The following ZNF318 variants were observed in gnomAD, a reference collection of about 807,000 sequenced individuals.
The protein encoded by ZNF318 is zinc finger protein 318.
ZNF318 carries 51 observed loss-of-function variants against 124.2 expected under a neutral mutation model. The ratio of observed to expected loss-of-function variants is 0.41; its 90% CI spans 0.33 to 0.52. The LOEUF (loss-of-function observed/expected upper bound fraction) is 0.52, where lower values mean the gene tolerates loss of function less well. Ranked by LOEUF, ZNF318 falls within the 20% of genes least tolerant of loss-of-function variation. The probability of loss-of-function intolerance (pLI) is 0.23; values close to 1 mark genes in which losing one functional copy is unlikely to be tolerated. For synonymous variants in ZNF318, 1,090 were observed against 1,040.7 expected, an observed-to-expected ratio of 1.05 and a Z score of -0.91; for missense variants, 2,815 against 2,811.2, an observed-to-expected ratio of 1.00 and a Z score of -0.03.
chr6:43,349,470 C>T (rs931551481), intron 5 of ZNF318, among the ~76,000 whole-genome samples: 6 of 149,590 alleles, frequency 4.0e-5, no homozygotes, highest in African/African-American at 1.5e-4. Flanking sequence ...AAGTGATCTG[C>T]CTGCTTCAGC....
intron 2 of ZNF318, among the ~76,000 whole-genome samples, chr6:43,364,628 T>C (rs1243742783): frequency 1.3e-5 from 2 of 152,216 alleles, no homozygotes; most frequent in African/African-American, 2.4e-5. Flanking sequence ...CATCCATACT[T>C]TGACTTTTGT....
chr6:43,357,586 T>C lies in ZNF318; in HGVS notation c.728A>G (p.His243Arg), dbSNP rs1282661649. ...TTCTGTTCCCCGCAACAGCTCATCA[T>C]GACAACTGATATGGGGACTATAATC... ...RSDYSPHISC[H>R]DELLRGTERN... Residue 243 changes from histidine to arginine, a missense_variant, in exon 3 of 10, where the codon CAT becomes CGT. This residue lies in a region of ZNF318 where 1,377 missense variants were observed against 1,353.5 expected (regional missense o/e 1.02). Transcript: ENST00000361428. 6.2e-7 allele frequency: 1 copy of C among 1,614,178 alleles called. No individual in the cohort carries two copies. Among genetic ancestry groups the C allele is most frequent in the South Asian group, 1.1e-5 (1 of 91,080 alleles).
chr6:43,345,531 G>A (rs955331797), intron 6 of ZNF318, among the ~76,000 whole-genome samples: 3 of 152,164 alleles, frequency 2.0e-5, no homozygotes, highest in Non-Finnish European at 2.9e-5. Context: ...CATTGGGTTC[G>A]TACATGAATA....
chr6:43,368,561 G>T, intron 1 of ZNF318: 2 of 678,642 alleles, frequency 2.9e-6, no homozygotes, highest in Non-Finnish European at 3.6e-6. Context: ...CGGACATTTC[G>T]GCTTTTTCCC....
intron 5 of ZNF318, among the ~76,000 whole-genome samples, chr6:43,349,798 G>C (rs2150752396): frequency 6.6e-6 from 1 of 152,220 alleles, no homozygotes; most frequent in Non-Finnish European, 1.5e-5. Flanking sequence ...CAAATTTAAG[G>C]AAAGACCAGA....
rs1779626359 is a variant in ZNF318 at position 43,357,546 on chromosome 6, T to C, written c.768A>G (p.Lys256=). 4 of 1,613,612 alleles carry C rather than the reference T, an allele frequency of 2.5e-6. No homozygotes were observed. The East Asian group carries it at 8.9e-5, about 36-fold the overall frequency. ...CAGATCGTATGGAGTAGCCTTTGAGTTTTTCTCGATTCCGTTCTGTTCCCC... is the reference window on the plus strand; with the variant it reads ...CAGATCGTATGGAGTAGCCTTTGAGCTTTTCTCGATTCCGTTCTGTTCCCC... ...LLRGTERNRE[K]LKGYSIRSEE... is the part of the protein sequence containing the mutation. The change falls in exon 3 of 10, where the codon AAA becomes AAG. Residue 256 remains lysine, a synonymous_variant. Transcript: ENST00000361428.
intron 2 of ZNF318, among the ~76,000 whole-genome samples, chr6:43,360,481 A>G (rs1779665896): frequency 6.6e-6 from 1 of 152,208 alleles, no homozygotes; most frequent in Non-Finnish European, 1.5e-5. Context: ...ACTGTTTTCT[A>G]AAATAAAGTC....
chr6:43,347,868 A>G (rs1779468299), intron 6 of ZNF318, among the ~76,000 whole-genome samples: 2 of 152,240 alleles, frequency 1.3e-5, no homozygotes, highest in African/African-American at 4.8e-5. Flanking sequence ...ATGTACTACG[A>G]GGAAAAGAAG....
At chr6:43,365,471 A>C in intron 1 of ZNF318, 31 bp from the exon 2 acceptor site, 1 of 1,603,020 alleles carries the variant, frequency 6.2e-7, no homozygotes, top group Non-Finnish European at 8.5e-7. Context: ...ATGGTTAGTC[A>C]ATAGGGTCAA....
Position 43,338,717 on chromosome 6 carries a change from T to G in ZNF318, c.5281A>C (p.Ser1761Arg), listed in dbSNP as rs2150748321. 1 of 1,614,202 alleles carries G rather than the reference T, an allele frequency of 6.2e-7. No individual in the cohort carries two copies. The highest frequency in any genetic ancestry group is 8.5e-7 in the Non-Finnish European group (1 of 1,180,042). ...TCCTCAGATTTACGGAGCTCTTGGC[T>G]TTCCTTATCCTGGTTAACAGATTCT... is the stretch of plus-strand genomic sequence containing the variant. Reference protein sequence around the residue: ...LRESVNQDKESQELRKSEDCR... With the variant: ...LRESVNQDKERQELRKSEDCR... Residue 1761 changes from serine to arginine, a missense_variant, in exon 10 of 10, where the codon AGC (serine) becomes CGC (arginine). Around this residue, in one of 4 missense-constraint regions of ZNF318, gnomAD observed 927 missense variants for 820.6 expected, o/e 1.13. Coordinates refer to ENST00000361428, the MANE Select transcript of ZNF318 (RefSeq NM_014345.3).
chr6:43,352,442 C>T lies in ZNF318; in HGVS notation c.2705G>A (p.Arg902Gln). The T allele has an allele frequency of 3.7e-6, 6 of 1,614,084 alleles. No individual in the cohort carries two copies. The highest frequency in any genetic ancestry group is 5.1e-6 in the Non-Finnish European group (6 of 1,180,000). The change falls in exon 5 of 10, where the codon CGG (arginine) becomes CAG (glutamine). Residue 902 changes from arginine (R) to glutamine (Q), a missense_variant. Transcript: ENST00000361428. Reference protein sequence around the residue: ...IEEREKLKNDREARQKKMYYL... With the variant: ...IEEREKLKNDQEARQKKMYYL... ...GTACATCTTCTTCTGGCGGGCTTCC[C>T]GGTCATTCTTTAGTTTTTCCCTCTC... is the stretch of plus-strand genomic sequence containing the variant.
At position 43,339,779 on chromosome 6, in the gene ZNF318, A is replaced by T. The variant is rs763037166; in HGVS notation, c.4219T>A (p.Ser1407Thr). 1.2e-6 allele frequency: 2 copies of T among 1,613,966 alleles called. No individual in the cohort carries two copies. The highest frequency in any genetic ancestry group is 2.7e-5 in the African/African-American group (2 of 74,878). ...ADLLLPPDII[S>T]KAFGGEEVIL... The stretch of plus-strand genomic sequence containing the variant: ...ACCTCTTCCCCTCCAAATGCTTTGG[A>T]GATGATGTCTGGAGGTAAGAGGAGA... Residue 1407 changes from serine to threonine, a missense_variant, in exon 10 of 10, where the codon TCC (serine) becomes ACC (threonine). Transcript: ENST00000361428. This position sits in a 1 kb window ranked among gnomAD's most constrained non-coding sequence, Gnocchi z 4.2.
In ZNF318 at chr6:43,354,983, G is replaced by C; in HGVS notation, c.2351C>G (p.Pro784Arg). Residue 784 changes from proline to arginine, a missense_variant, in exon 4 of 10, where the codon CCC becomes CGC. Coordinates refer to ENST00000361428, the MANE Select transcript of ZNF318 (RefSeq NM_014345.3). ...CCTATAGGCATCAAAAGAGGCAGGG[G>C]GAATGGCAGGTCCCTGGTAGTTCGG... is the stretch of plus-strand genomic sequence containing the variant. ...IPPNYQGPAI[P>R]PASFDAYRHY... 6.2e-7 allele frequency: 1 copy of C among 1,610,220 alleles called. No individual in the cohort carries two copies. The highest frequency in any genetic ancestry group is 1.1e-5 in the South Asian group (1 of 90,474).
chr6:43,352,249 G>T (rs529276054), intron 5 of ZNF318, 128 bp downstream of exon 5: 1 of 677,126 alleles, frequency 1.5e-6, no homozygotes, highest in Non-Finnish European at 2.5e-6. Context: ...CAACTTTTTT[G>T]TAAGTTTAAT....
rs180816230 is a variant in ZNF318 at position 43,337,560 on chromosome 6, G to A, written c.6438C>T (p.Asp2146=). ...PEEVKESSQL[D]KQESLGLELK... is the part of the protein sequence containing the mutation. ...ATTCCAATCCGAGTGACTCTTGTTT[G>A]TCTAATTGGGAAGATTCTTTTACTT... is the stretch of plus-strand genomic sequence containing the variant. Residue 2146 remains aspartate (D), a synonymous_variant, in exon 10 of 10, where the codon GAC becomes GAT. Coordinates refer to ENST00000361428, the MANE Select transcript of ZNF318 (RefSeq NM_014345.3). 3.9e-5 allele frequency: 63 copies of A among 1,614,100 alleles called. No individual in the cohort carries two copies. The Admixed American group carries it at 7.0e-4, about 18-fold the overall frequency.
chr6:43,366,636 A>C (rs913924484), intron 1 of ZNF318, among the ~76,000 whole-genome samples: 1 of 152,100 alleles, frequency 6.6e-6, no homozygotes. Context: ...TCCCCACACC[A>C]AAACATTTTT....
At position 43,338,107 on chromosome 6, in the gene ZNF318, T is replaced by C. The variant is rs1779314643; in HGVS notation, c.5891A>G (p.Lys1964Arg). The C allele has an allele frequency of 1.2e-6, 2 of 1,613,320 alleles. No individual in the cohort carries two copies. Among genetic ancestry groups the C allele is most frequent in the African/African-American group, 1.3e-5 (1 of 74,762 alleles). ...YELAVWDENK[K>R]RPETWESPEK... ...TGGGCTCTCCCAGGTCTCTGGCCTC[T>C]TCTTGTTTTCATCCCAAACAGCCAA... Residue 1964 changes from lysine to arginine, a missense_variant, in exon 10 of 10, where the codon AAG becomes AGG. By Grantham distance (26) the Lys-to-Arg change is conservative (BLOSUM62 2). Coordinates refer to ENST00000361428, the MANE Select transcript of ZNF318 (RefSeq NM_014345.3).
At chr6:43,368,116 G>A (rs1007405266) in intron 1 of ZNF318, among the ~76,000 whole-genome samples, 7 of 152,212 alleles carry the variant, frequency 4.6e-5, no homozygotes, top group African/African-American at 1.2e-4. Context: ...TGGGGTGGTG[G>A]TTATGGTTAA....
intron 2 of ZNF318, among the ~76,000 whole-genome samples, chr6:43,360,366 A>G (rs1322561183): frequency 6.6e-6 from 1 of 152,246 alleles, no homozygotes; most frequent in Non-Finnish European, 1.5e-5. Flanking sequence ...CCAAAAGGAT[A>G]TGAGAAGAGA....
Sources: allele counts gnomAD v4.1 joint callset (sites outside exome capture counted in the v4.1 genomes callset), GRCh38; gene constraint gnomAD v4.1.1; regional missense constraint gnomAD v4.1.1; non-coding constraint Gnocchi (gnomAD v3.1); transcripts MANE v1.5; gene names NCBI Gene and HGNC (gene_info 2026-07-23, HGNC 2026-07-21).